ROBO1: variants seen among roughly 807,000 people sequenced by gnomAD.
The protein encoded by ROBO1 is roundabout guidance receptor 1.
A neutral mutation model predicts 195.9 loss-of-function variants in ROBO1; 149 were observed. The ratio of observed to expected loss-of-function variants is 0.76; its 90% CI spans 0.67 to 0.87. The LOEUF (loss-of-function observed/expected upper bound fraction) is 0.87, where lower values mean the gene tolerates loss of function less well. Ranked by LOEUF, ROBO1 falls within the 40% of genes least tolerant of loss-of-function variation. ROBO1 has a pLI of 0.00. For synonymous variants in ROBO1, 816 were observed against 733.2 expected (o/e 1.11, Z -1.82); for missense variants, 1,933 against 2,068.3 (o/e 0.93, Z 1.27).
chr3:78,629,161 C>T (rs1379105150), intron 25 of ROBO1, among the ~76,000 whole-genome samples: 1 of 152,136 alleles, frequency 6.6e-6, no homozygotes, highest in East Asian at 1.9e-4. Flanking sequence ...GTCCCATGTC[C>T]ATAAAACCCC....
At chr3:79,309,811 A>C (rs961857464) in intron 2 of ROBO1, among the ~76,000 whole-genome samples, 3 of 152,194 alleles carry the variant, frequency 2.0e-5, no homozygotes, top group African/African-American at 4.8e-5. Context: ...AAGCATTTAA[A>C]GAAACAGATT....
intron 2 of ROBO1, among the ~76,000 whole-genome samples, chr3:79,185,201 G>A (rs2081415967): frequency 6.6e-6 from 1 of 152,160 alleles, no homozygotes; most frequent in Non-Finnish European, 1.5e-5. Flanking sequence ...AGAAGGGAAA[G>A]ATCTTTTTGG....
chr3:79,243,739 C>G (rs937659001), intron 2 of ROBO1, among the ~76,000 whole-genome samples: 150 of 152,238 alleles, frequency 9.9e-4, no homozygotes, highest in African/African-American at 3.5e-3. Context: ...AGCCCTTTGT[C>G]AGATGAGTAG....
intron 3 of ROBO1, among the ~76,000 whole-genome samples, chr3:79,100,359 A>G (rs2079652939): frequency 6.6e-6 from 1 of 151,772 alleles, no homozygotes; most frequent in Non-Finnish European, 1.5e-5. Context: ...AACATAATCA[A>G]TTTGGATGGA....
chr3:79,330,273 G>GTGTATATA (rs139785657), intron 2 of ROBO1, among the ~76,000 whole-genome samples: 4 of 137,860 alleles, frequency 2.9e-5, no homozygotes, highest in Non-Finnish European at 6.3e-5. Flanking sequence ...GTATATATAT[G>GTGTATATA]TATATATATA....
intron 5 of ROBO1, among the ~76,000 whole-genome samples, chr3:78,723,981 T>C (rs2108129722): frequency 6.6e-6 from 1 of 152,282 alleles, no homozygotes; most frequent in African/African-American, 2.4e-5. Context: ...CATTCTGTTA[T>C]ATACTCACTG....
At chr3:79,020,563 T>C (rs966502003) in intron 3 of ROBO1, among the ~76,000 whole-genome samples, 1 of 152,072 alleles carries the variant, frequency 6.6e-6, no homozygotes, top group Admixed American at 6.6e-5. Context: ...GTGGTGGCGT[T>C]CGCCTGTAGC....
At chr3:79,732,358 T>C (rs1385162010) in intron 1 of ROBO1, among the ~76,000 whole-genome samples, 1 of 145,484 alleles carries the variant, frequency 6.9e-6, no homozygotes, top group Non-Finnish European at 1.5e-5. Context: ...TTAAAAAAGA[T>C]ATTAATATAC....
intron 2 of ROBO1, among the ~76,000 whole-genome samples, chr3:79,172,709 C>A (rs554591256): frequency 1.1e-4 from 17 of 150,766 alleles, no homozygotes; most frequent in Non-Finnish European, 2.4e-4. Flanking sequence ...TCTACTGTGT[C>A]TACCCTGAGC....
At chr3:79,076,120 A>G (rs2079168312) in intron 3 of ROBO1, among the ~76,000 whole-genome samples, 1 of 150,768 alleles carries the variant, frequency 6.6e-6, no homozygotes, top group Admixed American at 6.7e-5. Flanking sequence ...GATTGTTATG[A>G]AAACAAATGA....
intron 2 of ROBO1, among the ~76,000 whole-genome samples, chr3:79,498,218 T>C (rs925491932): frequency 6.6e-6 from 1 of 152,222 alleles, no homozygotes; most frequent in African/African-American, 2.4e-5. Flanking sequence ...AACATTTTAT[T>C]GTATTATATC....
chr3:79,346,984 C>T (rs2035144943), intron 2 of ROBO1, among the ~76,000 whole-genome samples: 18 of 151,644 alleles, frequency 1.2e-4, no homozygotes, highest in Admixed American at 1.2e-3. Flanking sequence ...TAATGATAAC[C>T]TTTTTGGAGT....
chr3:79,049,907 A>G (rs1361015575), intron 3 of ROBO1, among the ~76,000 whole-genome samples: 1 of 152,164 alleles, frequency 6.6e-6, no homozygotes, highest in Non-Finnish European at 1.5e-5. Flanking sequence ...ACTAAACATG[A>G]AAAGGAAAAA....
chr3:78,939,202 CA>C (rs916009618), intron 3 of ROBO1, among the ~76,000 whole-genome samples: 2 of 152,118 alleles, frequency 1.3e-5, no homozygotes, highest in African/African-American at 4.8e-5. Context: ...TTTCAGAACC[CA>C]TTACATTGTG....
At chr3:78,660,381 A>C (rs576139831) in intron 16 of ROBO1, 1 of 152,746 alleles carries the variant, frequency 6.5e-6, no homozygotes, top group South Asian at 2.1e-4. Context: ...TATTTCTTCT[A>C]CCGTGTAACT....
Position 78,784,905 on chromosome 3 carries a change from A to G in ROBO1, c.500-38005T>C, listed in dbSNP as rs563058723. 9.2e-5 allele frequency among the ~76,000 whole-genome samples: 14 copies of G among 152,260 alleles called. 1 individual carries two copies. The highest frequency in any genetic ancestry group is 6.2e-4 in the South Asian group (3 of 4,820). On this transcript the variant is annotated intron_variant, in intron 4 of 30. Coordinates refer to ENST00000464233, the MANE Select transcript of ROBO1 (RefSeq NM_002941.4). ...TAATGTGAACATGTTCATCTAGATG[A>G]CTACTAACTTCTCTTCCCATTCTAT... is the stretch of plus-strand genomic sequence containing the variant.
chr3:79,348,502 C>T (rs1274553618), intron 2 of ROBO1, among the ~76,000 whole-genome samples: 1 of 152,030 alleles, frequency 6.6e-6, no homozygotes, highest in African/African-American at 2.4e-5. Context: ...CAAGGAAACA[C>T]AACTGTGGAA....
chr3:79,664,209 C>T (rs1946409326), intron 1 of ROBO1, among the ~76,000 whole-genome samples: 1 of 151,988 alleles, frequency 6.6e-6, no homozygotes, highest in African/African-American at 2.4e-5. Context: ...TCAATGATCA[C>T]CTCTTAGTAG....
chr3:78,625,901 G>A (rs1405451054), intron 26 of ROBO1, among the ~76,000 whole-genome samples: 1 of 152,074 alleles, frequency 6.6e-6, no homozygotes, highest in African/African-American at 2.4e-5. Context: ...GAGCCAGAAG[G>A]GAGGCCAAGG....
Sources: gnomAD v4.1 joint callset for allele counts (sites outside exome capture counted in the v4.1 genomes callset) on GRCh38, gnomAD v4.1.1 for gene constraint, MANE v1.5 for transcripts, NCBI Gene and HGNC (gene_info 2026-07-23, HGNC 2026-07-21) for gene names.